Variants in MCU observed in about 807,000 individuals in gnomAD.
The protein encoded by MCU is mitochondrial calcium uniporter, also known as calcium uniporter protein, mitochondrial.
MCU carries 12 observed loss-of-function variants against 45.2 expected under a neutral mutation model. The ratio of observed to expected loss-of-function variants is 0.27; its 90% CI spans 0.17 to 0.43. The LOEUF (loss-of-function observed/expected upper bound fraction) is 0.43, where lower values mean the gene tolerates loss of function less well. Ranked by LOEUF, MCU falls within the 20% of genes least tolerant of loss-of-function variation. The probability of loss-of-function intolerance (pLI) is 1.00; values close to 1 mark genes in which losing one functional copy is unlikely to be tolerated. For synonymous variants in MCU, 160 were observed against 165.1 expected (o/e 0.97, Z 0.24); for missense variants, 324 against 436.7 (o/e 0.74, Z 2.30).
intron 1 of MCU, among the ~76,000 whole-genome samples, chr10:72,779,430 T>C (rs917189756): frequency 1.3e-5 from 2 of 152,104 alleles, no homozygotes; most frequent in African/African-American, 4.8e-5. Context: ...AAAGAGAAAA[T>C]AGACTTCATC....
rs1040104641 is a variant in MCU, at chr10:72,818,205, G to A, written c.151-16154G>A. ...AGTTCCTCTCTAACCTAGGTCACCT[G>A]TGACTTTTCAGATTTTCATGTGCTT... On this transcript the variant is annotated intron_variant, in intron 1 of 7. Transcript: ENST00000373053. 2.0e-5 allele frequency among the ~76,000 whole-genome samples: 3 copies of A among 152,332 alleles called. No homozygotes were observed. In the South Asian group the frequency reaches 6.2e-4, roughly 32 times the overall value.
intron 3 of MCU, chr10:72,860,182 C>T: frequency 4.4e-6 from 2 of 458,986 alleles, no homozygotes; most frequent in Non-Finnish European, 8.0e-6. Flanking sequence ...GAACTATGAC[C>T]ATTAATTATT....
chr10:72,696,807 C>G (rs1234264429), intron 1 of MCU, among the ~76,000 whole-genome samples: 1 of 152,058 alleles, frequency 6.6e-6, no homozygotes, highest in Non-Finnish European at 1.5e-5. Context: ...TATCCCCCTA[C>G]CCCCAGTTTG....
chr10:72,722,965 G>A (rs976496364), intron 1 of MCU, among the ~76,000 whole-genome samples: 5 of 152,134 alleles, frequency 3.3e-5, no homozygotes, highest in East Asian at 3.9e-4. Flanking sequence ...GGGAGGCTGA[G>A]GCAGGTGGAT....
chr10:72,721,596 C>T (rs997266243), intron 1 of MCU, among the ~76,000 whole-genome samples: 2 of 152,194 alleles, frequency 1.3e-5, no homozygotes, highest in African/African-American at 4.8e-5. Flanking sequence ...CATTAGAATG[C>T]TTTTCTCCTG....
At chr10:72,712,839 C>G (rs1842912118) in intron 1 of MCU, among the ~76,000 whole-genome samples, 2 of 152,096 alleles carry the variant, frequency 1.3e-5, no homozygotes, top group Non-Finnish European at 2.9e-5. Flanking sequence ...TTCCAACACT[C>G]TTGATAATGG....
chr10:72,802,359 A>G (rs535006245), intron 1 of MCU, among the ~76,000 whole-genome samples: 1 of 152,266 alleles, frequency 6.6e-6, no homozygotes, highest in Non-Finnish European at 1.5e-5. Flanking sequence ...TCATTTAAAA[A>G]TAATATTGTA....
intron 3 of MCU, chr10:72,860,055 T>C (rs914845843): frequency 6.9e-5 from 13 of 188,814 alleles, no homozygotes; most frequent in Admixed American, 2.7e-4. Flanking sequence ...TCAGTGACTA[T>C]ACTGAAAAGT....
intron 1 of MCU, among the ~76,000 whole-genome samples, chr10:72,761,993 A>T (rs953854082): frequency 1.3e-5 from 2 of 152,116 alleles, no homozygotes; most frequent in Non-Finnish European, 2.9e-5. Flanking sequence ...TATTTATCCA[A>T]AGTGATTTGT....
chr10:72,876,970 A>G (rs1438831159), intron 6 of MCU, among the ~76,000 whole-genome samples: 2 of 147,188 alleles, frequency 1.4e-5, no homozygotes, highest in African/African-American at 5.0e-5. Context: ...CTCCTAGGCT[A>G]GAATGCAGTG....
Position 72,740,720 on chromosome 10 carries a change from G to T in MCU, c.150+48419G>T, listed in dbSNP as rs560125914. ...TACAAGGGTTGAGTTCAAACCAGCA[G>T]GTGCTATGAGTCATTTGCTCCTTTG... is the stretch of plus-strand genomic sequence containing the variant. On this transcript the variant is annotated intron_variant, in intron 1 of 7. Transcript: ENST00000373053. Among the ~76,000 whole-genome samples the T allele has an allele frequency of 7.2e-5, 11 of 152,358 alleles. No individual in the cohort carries two copies. In the South Asian group the frequency reaches 2.3e-3, roughly 32 times the overall value.
intron 6 of MCU, among the ~76,000 whole-genome samples, chr10:72,881,749 A>G (rs777159276): frequency 3.3e-5 from 5 of 152,238 alleles, no homozygotes; most frequent in African/African-American, 1.2e-4. Flanking sequence ...CAAATGGCCA[A>G]TAATAGATTA....
intron 1 of MCU, among the ~76,000 whole-genome samples, chr10:72,697,189 T>C (rs1842698475): frequency 6.6e-6 from 1 of 152,070 alleles, no homozygotes. Context: ...TGATCTCGGC[T>C]CACTGCAACT....
At chr10:72,696,147 G>A (rs1210674075) in intron 1 of MCU, among the ~76,000 whole-genome samples, 1 of 121,496 alleles carries the variant, frequency 8.2e-6, no homozygotes, top group African/African-American at 3.3e-5. Flanking sequence ...GGGCGAAAGA[G>A]CGAAACTCCG....
At chr10:72,802,707 A>C (rs1237926445) in intron 1 of MCU, among the ~76,000 whole-genome samples, 2 of 152,358 alleles carry the variant, frequency 1.3e-5, no homozygotes, top group South Asian at 4.1e-4. Context: ...CCTTTGTATA[A>C]TCCTTAAAGC....
rs544421868 is a variant in MCU at position 72,797,236 on chromosome 10, T to A, written c.151-37123T>A. On this transcript the variant is annotated intron_variant, in intron 1 of 7. Coordinates refer to ENST00000373053, the MANE Select transcript of MCU (RefSeq NM_138357.3). ...CTTTTATTTTATTTTATTTTATTTT[T>A]TTTTTAAGACGGGATCTCACTCTGT... 1.7e-4 allele frequency among the ~76,000 whole-genome samples: 25 copies of A among 151,300 alleles called. No individual in the cohort carries two copies. In the East Asian group the frequency reaches 2.5e-3, roughly 15 times the overall value.
intron 1 of MCU, among the ~76,000 whole-genome samples, chr10:72,763,997 T>TC (rs2132726371): frequency 6.6e-6 from 1 of 152,288 alleles, no homozygotes; most frequent in South Asian, 2.1e-4. Flanking sequence ...CTATTTTTTT[T>TC]CTCTAAAAGT....
intron 1 of MCU, among the ~76,000 whole-genome samples, chr10:72,821,953 A>G (rs534900483): frequency 2.0e-5 from 3 of 152,138 alleles, no homozygotes; most frequent in Non-Finnish European, 4.4e-5. Context: ...TTCACTGGAA[A>G]ATCTTCTGGT....
chr10:72,693,383 T>C (rs1209879849), intron 1 of MCU, among the ~76,000 whole-genome samples: 1 of 152,046 alleles, frequency 6.6e-6, no homozygotes, highest in African/African-American at 2.4e-5. Context: ...TGGGGCTGAG[T>C]TGTATAGTGT....
Sources: allele counts gnomAD v4.1 joint callset (sites outside exome capture counted in the v4.1 genomes callset), GRCh38; gene constraint gnomAD v4.1.1; transcripts MANE v1.5; gene names NCBI Gene and HGNC (gene_info 2026-07-23, HGNC 2026-07-21).